POLE: variants seen among roughly 807,000 people sequenced by gnomAD.
The protein encoded by POLE is DNA polymerase epsilon catalytic subunit A.
In POLE, 188 loss-of-function variants were observed where a neutral mutation model predicts 279.2. That is an observed-to-expected ratio of 0.67 (90% CI 0.60 to 0.76). POLE has a LOEUF of 0.76. Ranked by LOEUF, POLE falls within the 30% of genes least tolerant of loss-of-function variation. POLE has a pLI of 0.00. For missense variants in POLE, 2,703 were observed against 3,016.7 expected (o/e 0.90, Z 2.44); for synonymous variants, 1,214 against 1,172.5 (o/e 1.04, Z -0.72).
At chr12:132,642,430 A>T in intron 37 of POLE, 33 bp from the exon 38 acceptor site, 1 of 1,593,952 alleles carries the variant, frequency 6.3e-7, no homozygotes, top group Non-Finnish European at 8.6e-7. Context: ...ACCGGGGCAC[A>T]TCGCCGGGTC....
chr12:132,661,023 C>A lies in POLE; in HGVS notation c.3006G>T (p.Val1002=), dbSNP rs1031081340. ...AFLKGSTLEE[V]YGSVAKVADY... ...CAGCCACCTTGGCTACAGAGCCATA[C>A]ACCTCTTCCAGCGTGCTGCCCTTGA... The change falls in exon 25 of 49, where the codon GTG becomes GTT. Residue 1002 remains valine (V), a synonymous_variant. Transcript: ENST00000320574. This position sits in a 1 kb window ranked among gnomAD's most constrained non-coding sequence, Gnocchi z 4.1. 1 of 1,614,104 alleles carries A rather than the reference C, an allele frequency of 6.2e-7. No individual in the cohort carries two copies. The highest frequency in any genetic ancestry group is 8.5e-7 in the Non-Finnish European group (1 of 1,179,988).
chr12:132,674,847 C>T (rs1239847814), intron 12 of POLE, among the ~76,000 whole-genome samples: 1 of 147,566 alleles, frequency 6.8e-6, no homozygotes, highest in African/African-American at 2.6e-5. Context: ...CCTTCCTTCC[C>T]TCCCTCCCTT....
intron 16 of POLE, 123 bp from the exon 17 acceptor site, chr12:132,669,062 T>C: frequency 1.2e-6 from 1 of 829,210 alleles, no homozygotes; most frequent in Non-Finnish European, 1.8e-6. Context: ...GAGCAAAAAC[T>C]AGCCAGAAGA....
intron 12 of POLE, among the ~76,000 whole-genome samples, chr12:132,674,134 G>A (rs1287839411): frequency 2.0e-5 from 3 of 152,016 alleles, no homozygotes; most frequent in Admixed American, 2.0e-4. Context: ...TAGAAGGCAA[G>A]ATGTGATCAG....
At position 132,668,286 on chromosome 12, in the gene POLE, A is replaced by G. The variant is rs1391922978; in HGVS notation, c.2173+70T>C. The G allele has an allele frequency of 6.7e-7, 1 of 1,493,480 alleles. No homozygotes were observed. The highest frequency in any genetic ancestry group is 1.4e-5 in the African/African-American group (1 of 70,950). 92.5% of individuals were successfully genotyped at this position (1,493,480 alleles called of 1,614,324 possible). On this transcript the variant is annotated intron_variant, in intron 19 of 48. Transcript: ENST00000320574. The surrounding 1 kb of genome is among the most constrained non-coding windows in gnomAD (Gnocchi z 4.0). ...GGCCCCAGCTGGGATGGACCAACGC[A>G]GCCCAGTAAGAACAGAAAGTGGGAG... is the stretch of plus-strand genomic sequence containing the variant.
In POLE at chr12:132,641,735, C is replaced by G. The variant is rs1315730296; in HGVS notation, c.5290G>C (p.Ala1764Pro). 4 of 1,612,970 alleles carry G rather than the reference C, an allele frequency of 2.5e-6. No homozygotes were observed. The Admixed American group carries it at 6.7e-5, about 27-fold the overall frequency. Residue 1764 changes from alanine to proline, a missense_variant, in exon 39 of 49, where the codon GCC becomes CCC. Around this residue, in one of 5 missense-constraint regions of POLE, gnomAD observed 1,551 missense variants for 1,686.1 expected, o/e 0.92. Coordinates refer to ENST00000320574, the MANE Select transcript of POLE (RefSeq NM_006231.4). ...MGISFDVIQQ[A>P]SLEDMITGGQ... Reference sequence around the variant, plus strand: ...CCCGTGATCATGTCCTCCAGGGAGGCCTGCTGGATCACGTCGAAGCTGATC... The same window carrying G: ...CCCGTGATCATGTCCTCCAGGGAGGGCTGCTGGATCACGTCGAAGCTGATC...
Position 132,668,423 on chromosome 12 carries a change from C to G in POLE, c.2106G>C (p.Gly702=), listed in dbSNP as rs5744801. The G allele has an allele frequency of 6.2e-7, 1 of 1,612,622 alleles. No individual in the cohort carries two copies. Among genetic ancestry groups the G allele is most frequent in the Non-Finnish European group, 8.5e-7 (1 of 1,179,218 alleles). ...ACAGTTCATGAAAGGCCCGAGCTGG[C>G]CCCTCTGGGAACAAGGGGGGGAACT... ...SEKFPPLFPE[G]PARAFHELSR... Residue 702 remains glycine, a synonymous_variant, in exon 19 of 49, where the codon GGG becomes GGC. Transcript: ENST00000320574. The surrounding 1 kb of genome is among the most constrained non-coding windows in gnomAD (Gnocchi z 4.0).
chr12:132,665,938 T>C (rs2042788312), intron 20 of POLE, among the ~76,000 whole-genome samples: 1 of 152,258 alleles, frequency 6.6e-6, no homozygotes, highest in South Asian at 2.1e-4. Context: ...TCACTACACT[T>C]TTGGTGCTTA....
chr12:132,644,346 T>G (rs868344333), intron 32 of POLE, among the ~76,000 whole-genome samples: 2 of 147,056 alleles, frequency 1.4e-5, no homozygotes, highest in Admixed American at 1.3e-4. Context: ...TTTTTTTTTT[T>G]GTAGAAAGGA....
At chr12:132,663,662 T>C (rs1048721744) in intron 23 of POLE, among the ~76,000 whole-genome samples, 3 of 152,218 alleles carry the variant, frequency 2.0e-5, no homozygotes, top group African/African-American at 7.2e-5. Context: ...ATAGGTTTCT[T>C]AGTTTTGACA....
At chr12:132,630,062 T>C (rs7963858) in intron 45 of POLE, among the ~76,000 whole-genome samples, 103,081 of 152,108 alleles carry the variant, frequency 0.68, 35,107 homozygotes, top group East Asian at 0.81. Flanking sequence ...ACACACAACA[T>C]TGATGAAGCT....
rs1237884513 is a variant in POLE, at chr12:132,685,504, G to A, written c.62+1750C>T. Among the ~76,000 whole-genome samples the A allele has an allele frequency of 3.3e-5, 5 of 152,236 alleles. No individual in the cohort carries two copies. The East Asian group carries it at 9.6e-4, about 29-fold the overall frequency. On this transcript the variant is annotated intron_variant, in intron 1 of 48. Transcript: ENST00000320574. ...CTCCTGGGGCACACTCACCTCCCAG[G>A]ACTGTTTTAAGGATGAGATGAGGTA...
At position 132,668,873 on chromosome 12, in the gene POLE, G is replaced by A. The variant is rs945099471; in HGVS notation, c.1861C>T (p.Leu621Phe). ...KDVPSRIECP[L>F]IYHLDVGAMY... ...GCCCCCACGTCCAGGTGGTAGATGA[G>A]TGGACACTCGATGCGGCTGGGAACG... Residue 621 changes from leucine (L) to phenylalanine (F), a missense_variant, in exon 17 of 49, where the codon CTC becomes TTC. Leu to Phe is a conservative substitution (Grantham distance 22, BLOSUM62 0). Coordinates refer to ENST00000320574, the MANE Select transcript of POLE (RefSeq NM_006231.4). The surrounding 1 kb of genome is among the most constrained non-coding windows in gnomAD (Gnocchi z 4.0). 1.2e-6 allele frequency: 2 copies of A among 1,614,098 alleles called. No homozygotes were observed. The highest frequency in any genetic ancestry group is 1.7e-6 in the Non-Finnish European group (2 of 1,179,960).
intron 2 of POLE, 144 bp downstream of exon 2, chr12:132,680,994 G>C: frequency 1.0e-6 from 1 of 957,110 alleles, no homozygotes; most frequent in Non-Finnish European, 1.5e-6. Context: ...CGTTAAAGAG[G>C]AAAGGAGAGC....
chr12:132,624,457 C>T lies in POLE; in HGVS notation c.*240G>A. The T allele has an allele frequency of 3.4e-6, 2 of 580,444 alleles. No homozygotes were observed. Among genetic ancestry groups the T allele is most frequent in the Non-Finnish European group, 6.2e-6 (2 of 324,766 alleles). 36.0% of individuals were successfully genotyped at this position (580,444 alleles called of 1,614,324 possible). A position where few individuals can be genotyped will look rare whatever the true frequency, so the allele number is the denominator to read the frequency against. On this transcript the variant is annotated 3_prime_UTR_variant, in exon 49 of 49. Transcript: ENST00000320574. ...CGCCCAGGGCACTCGCAGCCTCGCT[C>T]ACGGCCTGCTTCTTCAGGTGCTCTG...
At chr12:132,673,112 A>G (rs2042967474) in intron 14 of POLE, 52 bp downstream of exon 14, 2 of 1,191,362 alleles carry the variant, frequency 1.7e-6, no homozygotes, top group Admixed American at 3.4e-5. Flanking sequence ...TGCATTTGGA[A>G]TGGGGCAAGG....
intron 39 of POLE, chr12:132,640,945 T>C: frequency 2.2e-6 from 1 of 456,252 alleles, no homozygotes; most frequent in Non-Finnish European, 4.4e-6. Context: ...CCTCTCCCCT[T>C]TTGTATGGAG....
At chr12:132,678,407 G>GTAATAATAA (rs544706725) in intron 6 of POLE, among the ~76,000 whole-genome samples, 4 of 150,578 alleles carry the variant, frequency 2.7e-5, no homozygotes, top group African/African-American at 7.3e-5. Flanking sequence ...CTCTACAAAA[G>GTAATAATAA]TAATAATAAT....
At chr12:132,627,361 C>G (rs549077649) in intron 45 of POLE, among the ~76,000 whole-genome samples, 1 of 152,226 alleles carries the variant, frequency 6.6e-6, no homozygotes, top group East Asian at 1.9e-4. Context: ...TGCAGTGGCA[C>G]AATCATGGCT....
Sources: gnomAD v4.1 joint callset for allele counts (sites outside exome capture counted in the v4.1 genomes callset) on GRCh38, gnomAD v4.1.1 for gene constraint, gnomAD v4.1.1 regional missense constraint, Gnocchi (gnomAD v3.1) non-coding constraint, MANE v1.5 for transcripts, NCBI Gene and HGNC (gene_info 2026-07-23, HGNC 2026-07-21) for gene names.